The following DPYD variants were observed in gnomAD, a reference collection of about 807,000 sequenced individuals.
DPYD encodes the protein dihydropyrimidine dehydrogenase [NADP(+)].
In DPYD, 109 loss-of-function variants were observed where a neutral mutation model predicts 116.2. The observed-to-expected ratio is 0.94, with a 90% CI of 0.80 to 1.10. DPYD has a LOEUF of 1.10. Among genes scored for constraint, DPYD ranks in the 50% least tolerant of loss-of-function variants. The pLI, the probability that DPYD is intolerant of heterozygous loss-of-function variation, is 0.00. For missense variants in DPYD, 1,302 were observed against 1,254.5 expected (o/e 1.04, Z -0.57); for synonymous variants, 440 against 432.0 (o/e 1.02, Z -0.23).
At chr1:97,552,202 G>A (rs2786530) in intron 11 of DPYD, among the ~76,000 whole-genome samples, 2,635 of 152,134 alleles carry the variant, frequency 0.017, 72 homozygotes, top group African/African-American at 0.06. Flanking sequence ...TTAAAGAAGA[G>A]CTCTCAAATT....
chr1:97,496,942 T>A (rs939262842), intron 13 of DPYD, among the ~76,000 whole-genome samples: 6 of 151,964 alleles, frequency 3.9e-5, no homozygotes, highest in African/African-American at 1.4e-4. Context: ...GTATGTGGTT[T>A]AAGAGCACTC....
intron 5 of DPYD, among the ~76,000 whole-genome samples, chr1:97,703,902 T>G (rs1170459620): frequency 6.6e-6 from 1 of 152,048 alleles, no homozygotes; most frequent in African/African-American, 2.4e-5. Flanking sequence ...TTTCACAACC[T>G]GTTTACAAAA....
At chr1:97,361,285 CA>C (rs1373693035) in intron 16 of DPYD, among the ~76,000 whole-genome samples, 1 of 152,172 alleles carries the variant, frequency 6.6e-6, no homozygotes, top group African/African-American at 2.4e-5. Flanking sequence ...AGACCAATAA[CA>C]GGCTCTGAAA....
chr1:97,586,777 T>C (rs1356984327), intron 10 of DPYD, among the ~76,000 whole-genome samples: 1 of 151,848 alleles, frequency 6.6e-6, no homozygotes, highest in Non-Finnish European at 1.5e-5. Context: ...CACCTGTCAG[T>C]TTCTTTATAC....
intron 14 of DPYD, among the ~76,000 whole-genome samples, chr1:97,443,275 A>G (rs1267419205): frequency 6.6e-6 from 1 of 152,188 alleles, no homozygotes; most frequent in East Asian, 1.9e-4. Flanking sequence ...TTAAATGTCC[A>G]CAAAATAATG....
At chr1:97,735,365 G>T (rs974728833) in intron 4 of DPYD, among the ~76,000 whole-genome samples, 2 of 151,882 alleles carry the variant, frequency 1.3e-5, no homozygotes, top group Admixed American at 6.6e-5. Context: ...ATATGAAAAC[G>T]AATATTTTAA....
intron 18 of DPYD, among the ~76,000 whole-genome samples, chr1:97,251,391 T>TAAAAAAAAAAAAAAAAAAAAAA (rs10581072): frequency 1.2e-4 from 11 of 95,354 alleles, no homozygotes; most frequent in Non-Finnish European, 1.8e-4. Flanking sequence ...AAACTCTGTC[T>TAAAAAAAAAAAAAAAAAAAAAA]AAAAAAAAAA....
intron 12 of DPYD, chr1:97,546,542 A>G (rs1650880732): frequency 2.5e-6 from 4 of 1,597,630 alleles, no homozygotes; most frequent in Admixed American, 3.3e-5. Context: ...CAAAGCATAC[A>G]GCAAGAAGAG....
intron 5 of DPYD, chr1:97,720,782 C>T (rs1041580224): frequency 4.0e-6 from 6 of 1,500,286 alleles, no homozygotes; most frequent in Admixed American, 2.6e-5. Flanking sequence ...CTTACTATAC[C>T]CTTCATATAA....
rs1676335467 is a variant in DPYD, at chr1:97,450,216, A to G, written c.1748T>C (p.Val583Ala). Residue 583 changes from valine (V) to alanine (A), a missense_variant, in exon 14 of 23, where the codon GTG becomes GCG. Physicochemically the swap from Val to Ala is moderately conservative, Grantham distance 64. Transcript: ENST00000370192. The part of the protein sequence containing the change: ...TKTFSLDKDI[V>A]TNVSPRIIRG... ...GATGATTCTGGGGGAAACATTTGTC[A>G]CAATGTCCTGATGAAAGAGTAAAGA... The G allele has an allele frequency of 1.2e-6, 2 of 1,613,448 alleles. No individual in the cohort carries two copies. The highest frequency in any genetic ancestry group is 1.7e-6 in the Non-Finnish European group (2 of 1,179,618).
intron 13 of DPYD, among the ~76,000 whole-genome samples, chr1:97,454,463 TTAGAG>T (rs1258600784): frequency 3.3e-5 from 5 of 152,026 alleles, no homozygotes; most frequent in African/African-American, 7.2e-5. Context: ...TCAAGAATAG[TTAGAG>T]TAGAGAAGAG....
chr1:97,670,979 T>A (rs762361225), intron 8 of DPYD, among the ~76,000 whole-genome samples: 1 of 152,070 alleles, frequency 6.6e-6, no homozygotes, highest in Non-Finnish European at 1.5e-5. Context: ...AATTCCTCCA[T>A]GTCTCCATCC....
chr1:97,874,935 C>G (rs1018113576), intron 2 of DPYD, among the ~76,000 whole-genome samples: 1 of 151,904 alleles, frequency 6.6e-6, no homozygotes, highest in South Asian at 2.1e-4. Flanking sequence ...ATCAGATTAA[C>G]TATAAAATGA....
chr1:97,176,868 ATGTGTG>A (rs10677535), intron 20 of DPYD, among the ~76,000 whole-genome samples: 4,500 of 146,664 alleles, frequency 0.031, 180 homozygotes, highest in African/African-American at 0.099. Flanking sequence ...GGACAAAAAA[ATGTGTG>A]TGTGTGTGTG....
intron 18 of DPYD, among the ~76,000 whole-genome samples, chr1:97,289,183 T>A (rs1251985421): frequency 2.6e-5 from 4 of 152,092 alleles, no homozygotes; most frequent in African/African-American, 9.7e-5. Flanking sequence ...TCTGAAATTG[T>A]GGCAATAATC....
At chr1:97,801,949 A>G (rs1006396570) in intron 3 of DPYD, among the ~76,000 whole-genome samples, 1 of 151,900 alleles carries the variant, frequency 6.6e-6, no homozygotes, top group African/African-American at 2.4e-5. Context: ...AACTTAACAT[A>G]TCTCCTTTTA....
At chr1:97,368,659 C>G (rs187864437) in intron 16 of DPYD, among the ~76,000 whole-genome samples, 187 of 152,204 alleles carry the variant, frequency 1.2e-3, no homozygotes, top group African/African-American at 4.3e-3. Context: ...GAAGGCAGCC[C>G]AAAGACAACA....
intron 4 of DPYD, among the ~76,000 whole-genome samples, chr1:97,729,162 C>A (rs1303104186): frequency 6.6e-6 from 1 of 151,938 alleles, no homozygotes; most frequent in Non-Finnish European, 1.5e-5. Context: ...TTTATTGATC[C>A]TGAGATATTT....
At chr1:97,705,820 G>A (rs564434984) in intron 5 of DPYD, among the ~76,000 whole-genome samples, 93 of 151,922 alleles carry the variant, frequency 6.1e-4, no homozygotes, top group African/African-American at 2.1e-3. Flanking sequence ...TTTAATGATC[G>A]CCATTCTAAC....
Sources: gnomAD v4.1 joint callset for allele counts (sites outside exome capture counted in the v4.1 genomes callset) on GRCh38, gnomAD v4.1.1 for gene constraint, MANE v1.5 for transcripts, NCBI Gene and HGNC (gene_info 2026-07-23, HGNC 2026-07-21) for gene names.